Variants in CNTN5 observed in about 807,000 individuals in gnomAD.
CNTN5 encodes contactin 5.
Under a neutral mutation model 129.1 loss-of-function variants are expected in CNTN5, and 77 were observed. The ratio of observed to expected loss-of-function variants is 0.60; its 90% CI spans 0.50 to 0.72. CNTN5 has a LOEUF of 0.72. CNTN5 is among the 30% of genes least tolerant of loss of function. The pLI is 0.00. For missense variants in CNTN5, 1,478 were observed against 1,328.8 expected (o/e 1.11, Z -1.75); for synonymous variants, 509 against 465.6 (o/e 1.09, Z -1.20).
In CNTN5 at chr11:99,589,113, T is replaced by C. The variant is rs559544388; in HGVS notation, c.55+32844T>C. On this transcript the variant is annotated intron_variant, in intron 3 of 24. Transcript: ENST00000524871. ...GTGAAACTATAGAAGTGCAGCAAAT[T>C]GGTACACAAACACTGTCATAATACA... Among the ~76,000 whole-genome samples, 4 of 152,268 alleles carry C rather than the reference T, an allele frequency of 2.6e-5. No homozygotes were observed. The South Asian group carries it at 6.2e-4, about 24-fold the overall frequency.
intron 13 of CNTN5, among the ~76,000 whole-genome samples, chr11:100,129,900 G>T (rs1946318933): frequency 1.3e-5 from 2 of 151,820 alleles, no homozygotes; most frequent in African/African-American, 4.8e-5. Context: ...TACAACTAAT[G>T]GTTGTGCTAA....
intron 1 of CNTN5, among the ~76,000 whole-genome samples, chr11:99,082,078 A>G (rs1865824922): frequency 6.6e-6 from 1 of 151,872 alleles, no homozygotes; most frequent in South Asian, 2.1e-4. Flanking sequence ...TCTGTGATGT[A>G]TTATGGTGGA....
chr11:100,265,346 A>T (rs1403465455), intron 17 of CNTN5, among the ~76,000 whole-genome samples: 1 of 152,096 alleles, frequency 6.6e-6, no homozygotes, highest in African/African-American at 2.4e-5. Context: ...CAAGGTTTGC[A>T]TGCTCCAAAA....
intron 1 of CNTN5, among the ~76,000 whole-genome samples, chr11:99,137,577 A>AT (rs961356006): frequency 6.6e-6 from 1 of 152,110 alleles, no homozygotes; most frequent in African/African-American, 2.4e-5. Context: ...ATTAAAGTGA[A>AT]TTTTTTTGCC....
chr11:99,462,357 TTTC>T (rs1370453436), intron 2 of CNTN5, among the ~76,000 whole-genome samples: 105 of 85,374 alleles, frequency 1.2e-3, no homozygotes, highest in African/African-American at 4.0e-3. Context: ...TTTCTTTTCT[TTTC>T]TTTTTTTTTT....
intron 2 of CNTN5, among the ~76,000 whole-genome samples, chr11:99,499,955 T>A (rs2135379341): frequency 6.6e-6 from 1 of 152,260 alleles, no homozygotes; most frequent in South Asian, 2.1e-4. Flanking sequence ...TGACTACTAT[T>A]CTGTATCATG....
At chr11:100,072,904 T>C (rs1223348297) in intron 12 of CNTN5, among the ~76,000 whole-genome samples, 2 of 144,644 alleles carry the variant, frequency 1.4e-5, no homozygotes, top group South Asian at 2.2e-4. Flanking sequence ...TTCACCTAGT[T>C]AGTAGCCCTG....
intron 18 of CNTN5, among the ~76,000 whole-genome samples, chr11:100,281,543 GATT>G (rs572453647): frequency 7.4e-4 from 113 of 152,130 alleles, no homozygotes; most frequent in Non-Finnish European, 1.3e-3. Context: ...TTGGAAGTTT[GATT>G]ATTAACTGTC....
intron 13 of CNTN5, among the ~76,000 whole-genome samples, chr11:100,166,800 T>C (rs1376227859): frequency 3.3e-5 from 5 of 151,942 alleles, no homozygotes; most frequent in African/African-American, 9.6e-5. Context: ...CTCTGTTTGG[T>C]CAGATATCTA....
At chr11:99,027,071 C>T (rs148607094) in intron 1 of CNTN5, among the ~76,000 whole-genome samples, 1 of 151,412 alleles carries the variant, frequency 6.6e-6, no homozygotes, top group East Asian at 1.9e-4. Context: ...TTGGTATGCA[C>T]TCACCAGCTA....
intron 9 of CNTN5, among the ~76,000 whole-genome samples, chr11:100,033,092 T>C (rs929781308): frequency 2.0e-5 from 3 of 152,212 alleles, no homozygotes; most frequent in Non-Finnish European, 4.4e-5. Flanking sequence ...AGACTCTTTT[T>C]CTATGTAATT....
chr11:99,484,248 T>C (rs1945717889), intron 2 of CNTN5, among the ~76,000 whole-genome samples: 1 of 152,050 alleles, frequency 6.6e-6, no homozygotes, highest in South Asian at 2.1e-4. Context: ...TCTTAAGATA[T>C]ACAAATGGCC....
intron 6 of CNTN5, among the ~76,000 whole-genome samples, chr11:99,857,887 G>T (rs1207643932): frequency 6.6e-6 from 1 of 152,046 alleles, no homozygotes; most frequent in Admixed American, 6.6e-5. Context: ...GTGTCATTGG[G>T]TTGTAAACTT....
At chr11:99,027,178 G>T (rs535060829) in intron 1 of CNTN5, among the ~76,000 whole-genome samples, 2 of 151,510 alleles carry the variant, frequency 1.3e-5, no homozygotes, top group Admixed American at 1.3e-4. Flanking sequence ...AAGGATTTAA[G>T]TGATTTTATT....
chr11:100,238,251 G>A (rs1160269530), intron 16 of CNTN5, among the ~76,000 whole-genome samples: 1 of 151,946 alleles, frequency 6.6e-6, no homozygotes, highest in East Asian at 1.9e-4. Flanking sequence ...ATTAAAAAAT[G>A]ACTCAAAATT....
chr11:99,331,843 CA>C (rs1312775141), intron 2 of CNTN5, among the ~76,000 whole-genome samples: 1 of 152,084 alleles, frequency 6.6e-6, no homozygotes, highest in Non-Finnish European at 1.5e-5. Context: ...ATTGAATTAA[CA>C]AAAGGAATAG....
chr11:100,054,305 A>G (rs968202130), intron 9 of CNTN5, among the ~76,000 whole-genome samples: 2 of 151,906 alleles, frequency 1.3e-5, no homozygotes, highest in Admixed American at 1.3e-4. Context: ...ATGTGAATAC[A>G]GGCAGTGATG....
intron 3 of CNTN5, among the ~76,000 whole-genome samples, chr11:99,562,210 T>C (rs1948865321): frequency 6.6e-6 from 1 of 152,174 alleles, no homozygotes; most frequent in Admixed American, 6.5e-5. Flanking sequence ...TTAAGCTGTT[T>C]TTCTGGCCAT....
At chr11:99,748,330 T>A (rs1199627578) in intron 3 of CNTN5, among the ~76,000 whole-genome samples, 2 of 152,116 alleles carry the variant, frequency 1.3e-5, no homozygotes, top group African/African-American at 2.4e-5. Context: ...CTCGAAGCCA[T>A]CAAATCCTGG....
Sources: allele counts gnomAD v4.1 joint callset (sites outside exome capture counted in the v4.1 genomes callset), GRCh38; gene constraint gnomAD v4.1.1; transcripts MANE v1.5; gene names NCBI Gene and HGNC (gene_info 2026-07-23, HGNC 2026-07-21).